Variants in TNC observed in about 807,000 individuals in gnomAD.
The protein encoded by TNC is tenascin C.
TNC carries 109 observed loss-of-function variants against 202.4 expected under a neutral mutation model. The observed-to-expected ratio is 0.54, with a 90% confidence interval of 0.46 to 0.63. The LOEUF is 0.63. TNC is among the 30% of genes least tolerant of loss of function. The pLI is 0.00. For missense variants in TNC, 2,756 were observed against 2,833.3 expected (o/e 0.97, Z 0.62); for synonymous variants, 1,007 against 1,089.7 (o/e 0.92, Z 1.50).
Position 115,048,299 on chromosome 9 carries a change from C to T in TNC, c.4813G>A (p.Gly1605Arg), listed in dbSNP as rs747339330. Reference sequence around the variant, plus strand: ...GCCCTCAAGGGCTTGGTTTGATGCCCTTGGGTGAAGCCAGAGACCATAACC... The same window carrying T: ...GCCCTCAAGGGCTTGGTTTGATGCCTTTGGGTGAAGCCAGAGACCATAACC... ...YEVMVSGFTQ[G>R]HQTKPLRAEI... Residue 1605 changes from glycine (G) to arginine (R), a missense_variant, in exon 16 of 28, where the codon GGG (glycine) becomes AGG (arginine). Transcript: ENST00000350763. 2 of 1,614,018 alleles carry T rather than the reference C, an allele frequency of 1.2e-6. No homozygotes were observed. The highest frequency in any genetic ancestry group is 3.3e-5 in the Admixed American group (2 of 60,012).
intron 4 of TNC, 88 bp from the exon 5 acceptor site, chr9:115,082,895 T>A: frequency 1.1e-6 from 1 of 870,278 alleles, no homozygotes; most frequent in South Asian, 1.5e-5. Flanking sequence ...CCAGACTGGA[T>A]GTCTGCAACA....
rs1182125361 is a variant in TNC, at chr9:115,023,998, C to A, written c.6470G>T (p.Arg2157Ile). Residue 2157 changes from arginine to isoleucine, a missense_variant, in exon 27 of 28, where the codon AGA (arginine) becomes ATA (isoleucine). By Grantham distance (97) the Arg-to-Ile change is moderately conservative. Around this residue, in one of 2 missense-constraint regions of TNC, gnomAD observed 197 missense variants for 287.3 expected, o/e 0.69. Transcript: ENST00000350763. ...CTGACTGTGGTTATTGTCCCCATAT[C>A]TCCCCATCAGGTTGACACGGTGACA... ...RNCHRVNLMG[R>I]YGDNNHSQGV... The A allele has an allele frequency of 6.2e-7, 1 of 1,614,088 alleles. No homozygotes were observed. The highest frequency in any genetic ancestry group is 1.7e-5 in the Admixed American group (1 of 60,026).
intron 7 of TNC, among the ~76,000 whole-genome samples, chr9:115,077,656 ATATT>A (rs1414974842): frequency 6.6e-6 from 1 of 152,224 alleles, no homozygotes. Flanking sequence ...TACTTTAAAA[ATATT>A]TATTTGAACT....
chr9:115,097,456 AG>A (rs1835883226), intron 1 of TNC, among the ~76,000 whole-genome samples: 1 of 152,208 alleles, frequency 6.6e-6, no homozygotes, highest in Non-Finnish European at 1.5e-5. Flanking sequence ...TGGGGGAATC[AG>A]GGAGATACAT....
At chr9:115,111,188 A>G (rs896077828) in intron 1 of TNC, among the ~76,000 whole-genome samples, 2 of 152,078 alleles carry the variant, frequency 1.3e-5, no homozygotes, top group Non-Finnish European at 2.9e-5. Flanking sequence ...GGAGTGCTGG[A>G]GGCTGTGGCA....
At chr9:115,045,922 G>A (rs1055736062) in intron 17 of TNC, among the ~76,000 whole-genome samples, 5 of 152,020 alleles carry the variant, frequency 3.3e-5, no homozygotes, top group Non-Finnish European at 5.9e-5. Flanking sequence ...ATAGATAGAC[G>A]TGCTGCTTCT....
At chr9:115,083,532 T>C (rs1225850060) in intron 4 of TNC, among the ~76,000 whole-genome samples, 1 of 152,152 alleles carries the variant, frequency 6.6e-6, no homozygotes, top group Admixed American at 6.5e-5. Context: ...AGTCTCAGTT[T>C]CCTCATCTGT....
intron 1 of TNC, among the ~76,000 whole-genome samples, chr9:115,109,474 C>A (rs1477510426): frequency 6.6e-6 from 1 of 152,228 alleles, no homozygotes; most frequent in Non-Finnish European, 1.5e-5. Context: ...AACCATTATT[C>A]ATTTCTTCTT....
In TNC at chr9:115,026,439, A is replaced by G; in HGVS notation, c.6331+95T>C. On this transcript the variant is annotated intron_variant, in intron 26 of 27. Transcript: ENST00000350763. ...ATTTGTTGATTTAATAAATTGCTGG[A>G]TTAATGAGGAAGGAATGAAAGTTAG... 5.2e-6 allele frequency: 7 copies of G among 1,341,630 alleles called. No homozygotes were observed. In the South Asian group the frequency reaches 6.9e-5, roughly 13 times the overall value. The allele number at this position is 1,341,630 out of a possible 1,614,324, so 83.1% of individuals were successfully genotyped here.
At chr9:115,049,299 T>A (rs1018249562) in intron 15 of TNC, among the ~76,000 whole-genome samples, 20 of 152,282 alleles carry the variant, frequency 1.3e-4, no homozygotes, top group Non-Finnish European at 2.2e-4. Context: ...CATTGGGATA[T>A]CCAAAAGGAG....
chr9:115,087,258 C>T lies in TNC; in HGVS notation c.473G>A (p.Arg158Lys), dbSNP rs1163449012. The change falls in exon 3 of 28, where the codon AGG becomes AAG. Residue 158 changes from arginine to lysine, a missense_variant. By Grantham distance (26) the Arg-to-Lys change is conservative (BLOSUM62 2). Coordinates refer to ENST00000350763, the MANE Select transcript of TNC (RefSeq NM_002160.4). Reference protein sequence around the residue: ...LQPATGRLDTRPFCSGRGNFS... With the variant: ...LQPATGRLDTKPFCSGRGNFS... ...GTTGCCCCGACCGCTACAGAAGGGC[C>T]TGGTGTCCAAGCGGCCTGCAACAAA... 2 of 1,612,296 alleles carry T rather than the reference C, an allele frequency of 1.2e-6. No homozygotes were observed. The highest frequency in any genetic ancestry group is 1.3e-5 in the African/African-American group (1 of 75,010).
In TNC at chr9:115,069,444, A is replaced by T. The variant is rs537129193; in HGVS notation, c.3214+4159T>A. 2.6e-5 allele frequency among the ~76,000 whole-genome samples: 4 copies of T among 151,594 alleles called. No homozygotes were observed. In the South Asian group the frequency reaches 8.4e-4, roughly 32 times the overall value. On this transcript the variant is annotated intron_variant, in intron 10 of 27. Coordinates refer to ENST00000350763, the MANE Select transcript of TNC (RefSeq NM_002160.4). ...AGAGAGAAGAGGGGAGAAGAGAGGA[A>T]GGAGAGGGGAGGAGAATAGAGTGGA...
rs184350582 is a variant in TNC at position 115,076,437 on chromosome 9, A to G, written c.2813T>C (p.Val938Ala). 5.2e-5 allele frequency: 84 copies of G among 1,614,048 alleles called. No individual in the cohort carries two copies. The East Asian group carries it at 1.6e-3, about 31-fold the overall frequency. Residue 938 changes from valine to alanine, a missense_variant, in exon 8 of 28, where the codon GTT becomes GCT. Coordinates refer to ENST00000350763, the MANE Select transcript of TNC (RefSeq NM_002160.4). ...GGCTTGTTGGCTCTTTGGAACATCA[A>G]CCTCAGCGTGGTCCCCTCCAGAGAT... ...APISGGDHAE[V>A]DVPKSQQATT...
At chr9:115,071,053 A>G (rs944131064) in intron 10 of TNC, among the ~76,000 whole-genome samples, 43 of 152,178 alleles carry the variant, frequency 2.8e-4, no homozygotes, top group African/African-American at 1.0e-3. Flanking sequence ...ATGTTATCTC[A>G]GTGTCTGTTT....
rs758115039 is a variant in TNC at position 115,087,186 on chromosome 9, C to T, written c.545G>A (p.Gly182Asp). 4 of 1,614,118 alleles carry T rather than the reference C, an allele frequency of 2.5e-6. No homozygotes were observed. In the Admixed American group the frequency reaches 5.0e-5, roughly 20 times the overall value. The change falls in exon 3 of 28, where the codon GGC becomes GAC. Residue 182 changes from glycine (G) to aspartate (D), a missense_variant. Around this residue, in one of 2 missense-constraint regions of TNC, gnomAD observed 2,559 missense variants for 2,546.0 expected, o/e 1.01. Transcript: ENST00000350763. The stretch of plus-strand genomic sequence containing the variant: ...ACATTCGGGCTCAGAGCAGTTGGGG[C>T]CTTTCCAGCCAGGTTCGCAGACACA... The part of the protein sequence containing the change: ...CGCVCEPGWK[G>D]PNCSEPECPG...
intron 2 of TNC, 68 bp downstream of exon 2, chr9:115,090,494 G>C: frequency 7.7e-7 from 1 of 1,302,640 alleles, no homozygotes; most frequent in Non-Finnish European, 1.1e-6. Flanking sequence ...GCAAGTGATG[G>C]ATGCTGCTAT....
chr9:115,026,178 T>C (rs1829464036), intron 26 of TNC, among the ~76,000 whole-genome samples: 1 of 152,064 alleles, frequency 6.6e-6, no homozygotes, highest in African/African-American at 2.4e-5. Context: ...CCAGAGTAAA[T>C]TGAGAAGTGC....
intron 16 of TNC, among the ~76,000 whole-genome samples, chr9:115,047,612 G>A (rs1831304793): frequency 6.6e-6 from 1 of 152,090 alleles, no homozygotes; most frequent in Non-Finnish European, 1.5e-5. Context: ...TTATTTGAAC[G>A]TGGAATTTCC....
In TNC at chr9:115,024,000, C is replaced by A. The variant is rs371318595; in HGVS notation, c.6468G>T (p.Gly2156=). The stretch of plus-strand genomic sequence containing the variant: ...GACTGTGGTTATTGTCCCCATATCT[C>A]CCCATCAGGTTGACACGGTGACAGT... ...YRNCHRVNLM[G]RYGDNNHSQG... is the part of the protein sequence containing the mutation. Residue 2156 remains glycine, a synonymous_variant, in exon 27 of 28, where the codon GGG becomes GGT. Coordinates refer to ENST00000350763, the MANE Select transcript of TNC (RefSeq NM_002160.4). 1.2e-6 allele frequency: 2 copies of A among 1,614,112 alleles called. No homozygotes were observed. Among genetic ancestry groups the A allele is most frequent in the Non-Finnish European group, 1.7e-6 (2 of 1,179,938 alleles).
Sources: allele counts gnomAD v4.1 joint callset (sites outside exome capture counted in the v4.1 genomes callset), GRCh38; gene constraint gnomAD v4.1.1; regional missense constraint gnomAD v4.1.1; transcripts MANE v1.5; gene names NCBI Gene and HGNC (gene_info 2026-07-23, HGNC 2026-07-21).